Variants in PCDH7 observed in about 807,000 individuals in gnomAD.
PCDH7 encodes the protein protocadherin-7.
PCDH7 carries 17 observed loss-of-function variants against 58.9 expected under a neutral mutation model. The ratio of observed to expected loss-of-function variants is 0.29; its 90% CI spans 0.20 to 0.43. The LOEUF is 0.43. PCDH7 is among the 20% of genes least tolerant of loss of function. PCDH7 has a pLI of 1.00. For missense variants in PCDH7, 1,274 were observed against 1,441.0 expected (o/e 0.88, Z 1.88); for synonymous variants, 664 against 616.4 (o/e 1.08, Z -1.14).
intron 3 of PCDH7, among the ~76,000 whole-genome samples, chr4:30,993,086 A>G (rs1402372658): frequency 6.6e-6 from 1 of 152,114 alleles, no homozygotes; most frequent in Non-Finnish European, 1.5e-5. Context: ...GGTGTGAGCC[A>G]CCGTGCCCGG....
At chr4:31,058,861 A>G (rs962057287) in intron 3 of PCDH7, among the ~76,000 whole-genome samples, 1 of 152,018 alleles carries the variant, frequency 6.6e-6, no homozygotes, top group Admixed American at 6.6e-5. Context: ...GCCAAATAGA[A>G]GAATTAACAA....
rs1313522748 is a variant in PCDH7 at position 30,721,633 on chromosome 4, G to C, written c.211G>C (p.Gly71Arg). Reference sequence around the variant, plus strand: ...TGAGGTGACTTTCAGCCTGGAGTCCGGTTCCGAGTACCTGAAGATCGACAA... The same window carrying C: ...TGAGGTGACTTTCAGCCTGGAGTCCCGTTCCGAGTACCTGAAGATCGACAA... Residue 71 changes from glycine (G) to arginine (R), a missense_variant, in exon 1 of 2, where the codon GGT becomes CGT. Coordinates refer to ENST00000361762, the Ensembl canonical transcript of PCDH7. The surrounding 1 kb of genome is among the most constrained non-coding windows in gnomAD (Gnocchi z 6.7). The C allele has an allele frequency of 6.2e-7, 1 of 1,613,532 alleles. No homozygotes were observed. Among genetic ancestry groups the C allele is most frequent in the East Asian group, 2.2e-5 (1 of 44,876 alleles).
intron 1 of PCDH7, among the ~76,000 whole-genome samples, chr4:30,847,797 C>G (rs1732184353): frequency 2.0e-5 from 3 of 152,016 alleles, no homozygotes; most frequent in Admixed American, 6.6e-5. Flanking sequence ...TCAATCTTAT[C>G]TTATTTCCTT....
chr4:30,873,272 T>C (rs541703678), intron 1 of PCDH7, among the ~76,000 whole-genome samples: 1 of 152,222 alleles, frequency 6.6e-6, no homozygotes, highest in South Asian at 2.1e-4. Flanking sequence ...GGAAAATTGA[T>C]TCAATGAATA....
At chr4:31,057,879 C>T (rs1269237884) in intron 3 of PCDH7, among the ~76,000 whole-genome samples, 2 of 152,008 alleles carry the variant, frequency 1.3e-5, no homozygotes, top group East Asian at 3.8e-4. Context: ...AAAACATGTA[C>T]CTGGAATATG....
chr4:31,106,345 A>G (rs1382426165), intron 3 of PCDH7, among the ~76,000 whole-genome samples: 1 of 152,162 alleles, frequency 6.6e-6, no homozygotes, highest in Non-Finnish European at 1.5e-5. Flanking sequence ...ACAATACAAA[A>G]TTTTTAGATG....
At chr4:31,015,290 A>T (rs546115740) in intron 3 of PCDH7, among the ~76,000 whole-genome samples, 1 of 152,200 alleles carries the variant, frequency 6.6e-6, no homozygotes, top group South Asian at 2.1e-4. Flanking sequence ...TCCAATCCAC[A>T]TCGCACTTTA....
At chr4:30,924,194 G>A (rs1047721986) in intron 2 of PCDH7, among the ~76,000 whole-genome samples, 1 of 152,090 alleles carries the variant, frequency 6.6e-6, no homozygotes, top group Admixed American at 6.6e-5. Flanking sequence ...TCTTTGCAAA[G>A]CCAGTTTGCC....
chr4:30,767,290 C>G (rs1030801795), intron 1 of PCDH7, among the ~76,000 whole-genome samples: 1 of 152,110 alleles, frequency 6.6e-6, no homozygotes, highest in Non-Finnish European at 1.5e-5. Context: ...TAAGAATTAG[C>G]GGTCTACAGT....
intron 1 of PCDH7, among the ~76,000 whole-genome samples, chr4:30,802,279 A>G (rs1713367653): frequency 3.0e-5 from 4 of 134,818 alleles, no homozygotes; most frequent in Admixed American, 2.2e-4. Flanking sequence ...TTTCATCAGT[A>G]TGGTAGCCAG....
At chr4:30,778,997 T>C (rs1722433587) in intron 1 of PCDH7, among the ~76,000 whole-genome samples, 1 of 144,970 alleles carries the variant, frequency 6.9e-6, no homozygotes, top group South Asian at 2.2e-4. Context: ...ATGGCCTCCT[T>C]ACTCCGTTTT....
Position 31,026,551 on chromosome 4 carries a change from T to G in PCDH7, c.*7+76336T>G, listed in dbSNP as rs1274632873. Among the ~76,000 whole-genome samples, 6 of 152,224 alleles carry G rather than the reference T, an allele frequency of 3.9e-5. No homozygotes were observed. The South Asian group carries it at 6.2e-4, about 16-fold the overall frequency. ...CAGCATAATTTTTATGTATTCCCTT[T>G]AAAGCTGAAAGTGTATATGTCTGTG... On this transcript the variant is annotated intron_variant, in intron 3 of 3. Transcript: ENST00000509759.
intron 1 of PCDH7, among the ~76,000 whole-genome samples, chr4:30,831,060 C>T (rs185683701): frequency 2.1e-3 from 317 of 152,176 alleles, no homozygotes; most frequent in Middle Eastern, 3.4e-3. Flanking sequence ...CACTAGTTAA[C>T]GGTTTCCCAC....
chr4:30,985,045 C>T (rs1750857637), intron 3 of PCDH7, among the ~76,000 whole-genome samples: 1 of 152,172 alleles, frequency 6.6e-6, no homozygotes, highest in South Asian at 2.1e-4. Flanking sequence ...CCGCTCACTG[C>T]AACCTCCGCC....
At chr4:30,888,884 T>C (rs1194800477) in intron 1 of PCDH7, among the ~76,000 whole-genome samples, 2 of 152,040 alleles carry the variant, frequency 1.3e-5, no homozygotes, top group East Asian at 3.9e-4. Context: ...GTTAATAATA[T>C]ATATATTTAC....
chr4:30,974,145 GTTCT>G (rs148838411), intron 3 of PCDH7, among the ~76,000 whole-genome samples: 3,889 of 150,860 alleles, frequency 0.026, 156 homozygotes, highest in African/African-American at 0.085. Flanking sequence ...TGGTGTTGCA[GTTCT>G]TTCTTTCTTT....
At chr4:31,059,146 A>T (rs953063350) in intron 3 of PCDH7, among the ~76,000 whole-genome samples, 13 of 151,760 alleles carry the variant, frequency 8.6e-5, no homozygotes, top group African/African-American at 3.1e-4. Flanking sequence ...TCATTTTTGT[A>T]TTTGCTGACT....
In PCDH7 at chr4:31,032,656, G is replaced by GAGAGGA. The variant is rs1553929064; in HGVS notation, c.*7+82443_*7+82444insAGGAAG. 6.4e-4 allele frequency among the ~76,000 whole-genome samples: 59 copies of GAGAGGA among 92,236 alleles called. 2 individuals are homozygous for GAGAGGA. Among genetic ancestry groups the GAGAGGA allele is most frequent in the African/African-American group, 2.7e-3 (55 of 20,020 alleles). The allele number at this position is 92,236 out of a possible 152,430, so 60.5% of individuals were successfully genotyped here. On this transcript the variant is annotated intron_variant, in intron 3 of 3. Coordinates refer to the PCDH7 transcript ENST00000509759. ...AGAAAGAAAGCGACAGAGAGAGAGA[G>GAGAGGA]AGGAAGGAAGGAAGGGAGGGAGGGA... is the stretch of plus-strand genomic sequence containing the variant.
chr4:30,830,248 T>C (rs1034887472), intron 1 of PCDH7, among the ~76,000 whole-genome samples: 1 of 152,008 alleles, frequency 6.6e-6, no homozygotes, highest in Non-Finnish European at 1.5e-5. Flanking sequence ...TGTTGTAGAG[T>C]TGAATCTTGT....
Sources: gnomAD v4.1 joint callset for allele counts (sites outside exome capture counted in the v4.1 genomes callset) on GRCh38, gnomAD v4.1.1 for gene constraint, Gnocchi (gnomAD v3.1) non-coding constraint, MANE v1.5 for transcripts, NCBI Gene and HGNC (gene_info 2026-07-23, HGNC 2026-07-21) for gene names.